Variants in MECOM observed in about 807,000 individuals in gnomAD.
MECOM encodes the protein histone-lysine N-methyltransferase MECOM.
In MECOM, 13 loss-of-function variants were observed where a neutral mutation model predicts 116.3. The observed-to-expected ratio is 0.11, with a 90% CI of 0.07 to 0.18. MECOM has a LOEUF of 0.18. MECOM is among the 10% of genes least tolerant of loss of function. MECOM has a pLI of 1.00. For missense variants in MECOM, 1,299 were observed against 1,509.0 expected (o/e 0.86, Z 2.31); for synonymous variants, 528 against 535.2 (o/e 0.99, Z 0.19).
intron 1 of MECOM, among the ~76,000 whole-genome samples, chr3:169,595,348 C>G (rs1021599307): frequency 1.3e-5 from 2 of 152,132 alleles, no homozygotes; most frequent in African/African-American, 2.4e-5. Flanking sequence ...TACCTCTATG[C>G]TTCATAAATC....
At chr3:169,393,534 C>A (rs1437908761) in intron 1 of MECOM, among the ~76,000 whole-genome samples, 2 of 151,998 alleles carry the variant, frequency 1.3e-5, no homozygotes, top group Non-Finnish European at 2.9e-5. Flanking sequence ...AAAAAGAATA[C>A]CCAAAACTCA....
intron 1 of MECOM, among the ~76,000 whole-genome samples, chr3:169,526,025 T>C (rs112101658): frequency 0.017 from 2,146 of 122,818 alleles, 57 homozygotes; most frequent in African/African-American, 0.071. Context: ...GAAAACCCCA[T>C]CTTGAAGGAA....
intron 2 of MECOM, among the ~76,000 whole-genome samples, chr3:169,305,324 G>A (rs968056832): frequency 6.6e-6 from 1 of 152,142 alleles, no homozygotes; most frequent in Non-Finnish European, 1.5e-5. Context: ...AAAGGTAGGT[G>A]TAACAAGTCA....
At chr3:169,297,035 C>A (rs1033474698) in intron 2 of MECOM, among the ~76,000 whole-genome samples, 2 of 152,194 alleles carry the variant, frequency 1.3e-5, no homozygotes, top group African/African-American at 4.8e-5. Flanking sequence ...TGTGCTCTTT[C>A]AACAATTTGG....
intron 2 of MECOM, among the ~76,000 whole-genome samples, chr3:169,270,903 C>T (rs1055218551): frequency 1.3e-5 from 2 of 152,254 alleles, no homozygotes; most frequent in African/African-American, 4.8e-5. Flanking sequence ...CCAAACAAAA[C>T]TTTAGTAAAA....
intron 2 of MECOM, among the ~76,000 whole-genome samples, chr3:169,248,719 A>G (rs747402676): frequency 4.6e-5 from 7 of 152,202 alleles, no homozygotes; most frequent in East Asian, 3.9e-4. Context: ...TGATTAGCGT[A>G]CTTCTAAGAA....
chr3:169,421,244 A>G (rs1364582093), intron 1 of MECOM, among the ~76,000 whole-genome samples: 2 of 152,176 alleles, frequency 1.3e-5, no homozygotes, highest in African/African-American at 2.4e-5. Flanking sequence ...TTTATTATTA[A>G]TATGAAAGAT....
At position 169,663,417 on chromosome 3, in the gene MECOM, T is replaced by C. The variant is rs1024719915; in HGVS notation, c.-45A>G. On this transcript the variant is annotated 5_prime_UTR_variant, in exon 1 of 17. Transcript: ENST00000651503. ...CCGCTGGTGTGTGGTTGGGGCTTTT[T>C]TTTCTTGGATCCTTTCCTTCTTTTG... is the stretch of plus-strand genomic sequence containing the variant. The C allele has an allele frequency of 1.2e-5, 19 of 1,588,114 alleles. No homozygotes were observed. Among genetic ancestry groups the C allele is most frequent in the South Asian group, 2.3e-5 (2 of 87,320 alleles).
At chr3:169,553,805 C>A (rs1576848192) in intron 1 of MECOM, among the ~76,000 whole-genome samples, 1 of 152,296 alleles carries the variant, frequency 6.6e-6, no homozygotes, top group East Asian at 1.9e-4. Context: ...TCTGGTGTCT[C>A]TCTCTATGTG....
chr3:169,377,502 G>C (rs1330280680), intron 2 of MECOM, among the ~76,000 whole-genome samples: 2 of 152,150 alleles, frequency 1.3e-5, no homozygotes, highest in Non-Finnish European at 2.9e-5. Flanking sequence ...CCATCAAAAA[G>C]TGGGCAAAGG....
At chr3:169,320,413 G>A (rs868045617) in intron 2 of MECOM, among the ~76,000 whole-genome samples, 1 of 152,154 alleles carries the variant, frequency 6.6e-6, no homozygotes, top group Non-Finnish European at 1.5e-5. Flanking sequence ...AATTGATGAC[G>A]TAAGGTCCCT....
intron 1 of MECOM, among the ~76,000 whole-genome samples, chr3:169,522,000 C>G (rs1011826490): frequency 6.6e-6 from 1 of 152,088 alleles, no homozygotes; most frequent in Non-Finnish European, 1.5e-5. Flanking sequence ...AAGTTATATG[C>G]AAATGCTATG....
chr3:169,510,270 A>C (rs1180045488), intron 1 of MECOM, among the ~76,000 whole-genome samples: 2 of 150,904 alleles, frequency 1.3e-5, no homozygotes, highest in Non-Finnish European at 3.0e-5. Flanking sequence ...GTGTCCCCCC[A>C]CCCCCCTTAT....
At chr3:169,623,696 T>C (rs965267200) in intron 1 of MECOM, among the ~76,000 whole-genome samples, 5 of 152,046 alleles carry the variant, frequency 3.3e-5, no homozygotes, top group Admixed American at 1.3e-4. Context: ...TAAAGTTTAA[T>C]TCTCCTCTAC....
chr3:169,511,140 C>A (rs899616174), intron 1 of MECOM, among the ~76,000 whole-genome samples: 4 of 152,174 alleles, frequency 2.6e-5, no homozygotes, highest in African/African-American at 9.7e-5. Context: ...AAGCAAAGCA[C>A]TCTTTAGATT....
chr3:169,090,323 A>C (rs1719270716), intron 14 of MECOM, 87 bp from the exon 15 acceptor site: 4 of 1,223,814 alleles, frequency 3.3e-6, no homozygotes, highest in Admixed American at 2.4e-5. Context: ...TCCCAACAAC[A>C]GTTTAGATTT....
chr3:169,418,955 T>C (rs963001633), intron 1 of MECOM, among the ~76,000 whole-genome samples: 13 of 152,084 alleles, frequency 8.5e-5, no homozygotes, highest in Non-Finnish European at 1.3e-4. Flanking sequence ...GGAAGTCAAA[T>C]GGTCTGTTTG....
chr3:169,152,798 A>C (rs931084434), intron 2 of MECOM, among the ~76,000 whole-genome samples: 8 of 152,190 alleles, frequency 5.3e-5, no homozygotes, highest in African/African-American at 1.9e-4. Flanking sequence ...TACAAGCATA[A>C]TCACCTAGCT....
intron 2 of MECOM, among the ~76,000 whole-genome samples, chr3:169,338,709 G>A (rs1723998238): frequency 6.6e-6 from 1 of 151,686 alleles, no homozygotes; most frequent in African/African-American, 2.4e-5. Flanking sequence ...CTCTATGCAA[G>A]GTTGCACTTC....
Sources: allele counts gnomAD v4.1 joint callset (sites outside exome capture counted in the v4.1 genomes callset), GRCh38; gene constraint gnomAD v4.1.1; transcripts MANE v1.5; gene names NCBI Gene and HGNC (gene_info 2026-07-23, HGNC 2026-07-21).